The following XKR6 variants were observed in gnomAD, a reference collection of about 807,000 sequenced individuals.
XKR6 encodes the protein XK related 6.
In XKR6, 22 loss-of-function variants were observed where a neutral mutation model predicts 56.7. The observed-to-expected ratio is 0.39, with a 90% confidence interval of 0.28 to 0.55. The LOEUF is 0.55. Ranked by LOEUF, XKR6 falls within the 20% of genes least tolerant of loss-of-function variation. XKR6 has a pLI of 0.66. For synonymous variants in XKR6, 524 were observed against 387.8 expected (o/e 1.35, Z -4.13); for missense variants, 852 against 889.0 (o/e 0.96, Z 0.53).
chr8:11,183,478 G>GTT (rs77467126), intron 1 of XKR6, among the ~76,000 whole-genome samples: 16 of 141,316 alleles, frequency 1.1e-4, no homozygotes, highest in African/African-American at 2.8e-4. Context: ...CACCTGTCTA[G>GTT]TTTTTTTTTT....
At chr8:11,070,867 G>T (rs993636715) in intron 1 of XKR6, among the ~76,000 whole-genome samples, 12 of 152,168 alleles carry the variant, frequency 7.9e-5, no homozygotes, top group African/African-American at 2.7e-4. Context: ...CTTCCTGCCC[G>T]CTGCCCCTCA....
intron 1 of XKR6, among the ~76,000 whole-genome samples, chr8:11,141,058 T>C (rs1800670551): frequency 6.6e-6 from 1 of 152,052 alleles, no homozygotes; most frequent in East Asian, 1.9e-4. Flanking sequence ...GAGGCAGAGA[T>C]TACAACACGT....
At chr8:11,005,106 C>T (rs1189517582) in intron 1 of XKR6, among the ~76,000 whole-genome samples, 1 of 151,998 alleles carries the variant, frequency 6.6e-6, no homozygotes, top group Non-Finnish European at 1.5e-5. Context: ...TCTATATATA[C>T]TAAGTTTTTT....
rs5889356 is a variant in XKR6, at chr8:11,045,075, C to CTTTTT, written c.765-120250_765-120246dup. Among the ~76,000 whole-genome samples, 245 of 36,064 alleles carry CTTTTT rather than the reference C, an allele frequency of 6.8e-3. 66 individuals carry two copies. The highest frequency in any genetic ancestry group is 8.1e-3 in the African/African-American group (80 of 9,910). 23.7% of individuals were successfully genotyped at this position (36,064 alleles called of 152,430 possible). A position where few individuals can be genotyped will look rare whatever the true frequency, so the allele number is the denominator to read the frequency against. On this transcript the variant is annotated intron_variant, in intron 1 of 2. Coordinates refer to ENST00000416569, the MANE Select transcript of XKR6 (RefSeq NM_173683.4). ...TTACCATTTCCACCCTCAAATCACT[C>CTTTTT]TTTTTTTTTTTTTTTTTTTTTTTTT...
At chr8:11,198,501 G>A (rs1371357036) in intron 1 of XKR6, among the ~76,000 whole-genome samples, 1 of 142,520 alleles carries the variant, frequency 7.0e-6, no homozygotes, top group Non-Finnish European at 1.6e-5. Context: ...TCAATGCAGA[G>A]GAAAGTTAAG....
At chr8:11,033,181 GTGAGGATGATGGTGA>G (rs1433102226) in intron 1 of XKR6, among the ~76,000 whole-genome samples, 1 of 151,936 alleles carries the variant, frequency 6.6e-6, no homozygotes, top group Admixed American at 6.6e-5. Flanking sequence ...GGTAATGGTG[GTGAGGATGATGGTGA>G]TGAGGATGGT....
chr8:10,904,094 A>T (rs973467222), intron 2 of XKR6, among the ~76,000 whole-genome samples: 30 of 152,112 alleles, frequency 2.0e-4, no homozygotes, highest in African/African-American at 6.8e-4. Context: ...TCCATCACTG[A>T]CTGCATTCCG....
chr8:11,137,833 A>C (rs1425517043), intron 1 of XKR6: 1 of 370,666 alleles, frequency 2.7e-6, no homozygotes, highest in Non-Finnish European at 5.3e-6. Context: ...TAGAATCTTC[A>C]ATTAAGGCAA....
At chr8:11,163,275 T>C (rs1394634620) in intron 1 of XKR6, among the ~76,000 whole-genome samples, 1 of 152,232 alleles carries the variant, frequency 6.6e-6, no homozygotes, top group East Asian at 1.9e-4. Context: ...GCATAAAGTA[T>C]AAGCATTGCA....
intron 1 of XKR6, among the ~76,000 whole-genome samples, chr8:10,980,590 C>A (rs911323170): frequency 2.6e-5 from 4 of 152,142 alleles, no homozygotes; most frequent in Non-Finnish European, 5.9e-5. Flanking sequence ...TATCGATCTA[C>A]CATGGATTAG....
At chr8:10,907,890 T>A (rs572332450) in intron 2 of XKR6, among the ~76,000 whole-genome samples, 1 of 152,302 alleles carries the variant, frequency 6.6e-6, no homozygotes, top group Admixed American at 6.5e-5. Context: ...TCCATCTCTC[T>A]TGCCTGAATT....
At position 10,898,558 on chromosome 8, in the gene XKR6, A is replaced by G; in HGVS notation, c.1320T>C (p.Tyr440=). Residue 440 remains tyrosine (Y), a synonymous_variant, in exon 3 of 3, where the codon TAT becomes TAC. Coordinates refer to ENST00000416569, the MANE Select transcript of XKR6 (RefSeq NM_173683.4). The surrounding 1 kb of genome is among the most constrained non-coding windows in gnomAD (Gnocchi z 6.6). ...WFNVKEGRTR[Y]RMFAYYTIVL... is the part of the protein sequence containing the mutation. ...CTATCGTATAATATGCAAACATTCG[A>G]TATCGAGTCCGCCCTTCCTTGACGT... The G allele has an allele frequency of 1.2e-6, 2 of 1,614,170 alleles. No individual in the cohort carries two copies. The highest frequency in any genetic ancestry group is 8.5e-7 in the Non-Finnish European group (1 of 1,180,030).
chr8:10,957,862 A>G (rs1415929418), intron 1 of XKR6, among the ~76,000 whole-genome samples: 1 of 152,230 alleles, frequency 6.6e-6, no homozygotes, highest in Non-Finnish European at 1.5e-5. Context: ...TTAGGATCCA[A>G]CAACAATATC....
At chr8:10,970,135 T>C (rs1348262427) in intron 1 of XKR6, among the ~76,000 whole-genome samples, 4 of 152,216 alleles carry the variant, frequency 2.6e-5, no homozygotes, top group Admixed American at 1.3e-4. Flanking sequence ...GGCTGCTCTC[T>C]GTGCTCCGGG....
At chr8:11,131,312 T>G (rs1800091601) in intron 1 of XKR6, among the ~76,000 whole-genome samples, 1 of 152,090 alleles carries the variant, frequency 6.6e-6, no homozygotes, top group Non-Finnish European at 1.5e-5. Flanking sequence ...CTCTTTAGCT[T>G]CCTATGTGGA....
chr8:10,928,858 C>T (rs529680653), intron 1 of XKR6, among the ~76,000 whole-genome samples: 1 of 152,344 alleles, frequency 6.6e-6, no homozygotes, highest in East Asian at 1.9e-4. Context: ...AGAGAAGACA[C>T]CAACTCTTCT....
intron 1 of XKR6, chr8:11,066,724 T>C (rs868201210): frequency 1.3e-5 from 2 of 152,222 alleles, no homozygotes; most frequent in African/African-American, 2.4e-5. Flanking sequence ...ACAATCATTG[T>C]GGCCATTTTC....
In XKR6 at chr8:11,048,676, A is replaced by C. The variant is rs1218449214; in HGVS notation, c.765-123846T>G. Among the ~76,000 whole-genome samples the C allele has an allele frequency of 3.3e-5, 5 of 152,268 alleles. No homozygotes were observed. In the East Asian group the frequency reaches 7.7e-4, roughly 24 times the overall value. ...CAAATGAAGGGAGCCCTGGAGGCTGAGTCCCCTTCCTGGGTGACTCTGGAC... is the reference window on the plus strand; with the variant it reads ...CAAATGAAGGGAGCCCTGGAGGCTGCGTCCCCTTCCTGGGTGACTCTGGAC... On this transcript the variant is annotated intron_variant, in intron 1 of 2. Transcript: ENST00000416569.
chr8:11,033,817 G>A (rs1799068225), intron 1 of XKR6, among the ~76,000 whole-genome samples: 1 of 152,136 alleles, frequency 6.6e-6, no homozygotes, highest in African/African-American at 2.4e-5. Flanking sequence ...TAGGGGTCCA[G>A]AAATACACAT....
Sources: gnomAD v4.1 joint callset for allele counts (sites outside exome capture counted in the v4.1 genomes callset) on GRCh38, gnomAD v4.1.1 for gene constraint, Gnocchi (gnomAD v3.1) non-coding constraint, MANE v1.5 for transcripts, NCBI Gene and HGNC (gene_info 2026-07-23, HGNC 2026-07-21) for gene names.